C10orf143: variants seen among roughly 807,000 people sequenced by gnomAD.
The protein encoded by C10orf143 is chromosome 10 open reading frame 143, also known as uncharacterized protein C10orf143.
chr10:130,047,669 C>G (rs561473631), intron 3 of C10orf143, among the ~76,000 whole-genome samples: 3 of 152,296 alleles, frequency 2.0e-5, no homozygotes, highest in Admixed American at 2.0e-4. Flanking sequence ...TCACTCCTGT[C>G]CCTAAACCCA....
At chr10:130,062,682 C>T (rs530147259), downstream of C10orf143, among the ~76,000 whole-genome samples, 4 of 152,190 alleles carry the variant, frequency 2.6e-5, no homozygotes, top group African/African-American at 7.2e-5. Flanking sequence ...AGCTTGCAGA[C>T]GGCCTATTGT....
At chr10:130,062,841 G>A (rs1860871286), downstream of C10orf143, among the ~76,000 whole-genome samples, 1 of 152,138 alleles carries the variant, frequency 6.6e-6, no homozygotes, top group African/African-American at 2.4e-5. Flanking sequence ...TGTCACCTGG[G>A]TCATCAGGTT....
chr10:130,036,390 C>T (rs1481432515), intron 3 of C10orf143, among the ~76,000 whole-genome samples: 1 of 152,214 alleles, frequency 6.6e-6, no homozygotes, highest in Non-Finnish European at 1.5e-5. Context: ...AATCACCTGT[C>T]CAGGCAGCTG....
At chr10:130,041,998 A>T (rs1336464202) in intron 3 of C10orf143, among the ~76,000 whole-genome samples, 1 of 152,186 alleles carries the variant, frequency 6.6e-6, no homozygotes, top group Non-Finnish European at 1.5e-5. Context: ...ATGCACACTC[A>T]TGCACATTAT....
chr10:130,110,742 G>T lies in C10orf143; in HGVS notation c.31C>A (p.Gln11Lys), dbSNP rs777274878. Residue 11 changes from glutamine to lysine, a missense_variant, in exon 1 of 4, where the codon CAG (glutamine) becomes AAG (lysine). By Grantham distance (53) the Gln-to-Lys change is moderately conservative (BLOSUM62 1). Transcript: ENST00000637128. The part of the protein sequence containing the change: MDSLALGRWR[Q>K]RRAEDLQVPG... ...ACCTGCAGATCCTCCGCCCTCCGCT[G>T]TCGCCAGCGGCCGAGCGCTAAGCTG... 5 of 398,860 alleles carry T rather than the reference G, an allele frequency of 1.3e-5. No individual in the cohort carries two copies. Among genetic ancestry groups the T allele is most frequent in the East Asian group, 3.6e-5 (1 of 28,080 alleles). 24.7% of individuals were successfully genotyped at this position (398,860 alleles called of 1,614,324 possible).
intron 3 of C10orf143, chr10:130,064,968 G>A (rs1860907221): frequency 1.3e-5 from 2 of 152,320 alleles, no homozygotes; most frequent in South Asian, 4.1e-4. Flanking sequence ...AGGAATCTCT[G>A]TCACACTTGG....
At chr10:130,074,080 G>A (rs1861075251) in intron 3 of C10orf143, among the ~76,000 whole-genome samples, 2 of 152,200 alleles carry the variant, frequency 1.3e-5, no homozygotes, top group Non-Finnish European at 1.5e-5. Context: ...CTCATAGGGT[G>A]TTCGAGCCTG....
chr10:130,070,296 A>G (rs1861009292), intron 3 of C10orf143, among the ~76,000 whole-genome samples: 1 of 152,010 alleles, frequency 6.6e-6, no homozygotes, highest in African/African-American at 2.4e-5. Context: ...GGGTGGGGAG[A>G]GGAACCCCAC....
At chr10:130,110,262 C>T in intron 1 of C10orf143, among the ~76,000 whole-genome samples, 1 of 152,228 alleles carries the variant, frequency 6.6e-6, no homozygotes, top group South Asian at 2.1e-4. Context: ...GTGTTCGCTC[C>T]CCACGTACTC....
At chr10:130,101,627 G>A (rs1211192662) in intron 1 of C10orf143, among the ~76,000 whole-genome samples, 3 of 151,878 alleles carry the variant, frequency 2.0e-5, no homozygotes, top group Non-Finnish European at 4.4e-5. Flanking sequence ...AGCACTTTGG[G>A]AGGTGGAGGC....
rs142313581 is a variant in C10orf143, at chr10:130,088,323, G to A, written c.70-8422C>T. ...CACTTGAACCCGGGAGGCAGAGGTT[G>A]TAGTGAGCCAGGATCGCGCCATTGC... On this transcript the variant is annotated intron_variant, in intron 1 of 3. Transcript: ENST00000637128. Among the ~76,000 whole-genome samples the A allele has an allele frequency of 4.2e-3, 646 of 152,298 alleles. 4 individuals carry two copies. The highest frequency in any genetic ancestry group is 0.015 in the African/African-American group (619 of 41,566).
intron 3 of C10orf143, among the ~76,000 whole-genome samples, chr10:130,047,835 C>T (rs1860693988): frequency 8.2e-6 from 1 of 121,880 alleles, no homozygotes; most frequent in South Asian, 2.6e-4. Flanking sequence ...CATAAAGACC[C>T]ACTGGAAACA....
chr10:130,078,639 A>G (rs1440814727), intron 3 of C10orf143, among the ~76,000 whole-genome samples: 1 of 152,200 alleles, frequency 6.6e-6, no homozygotes, highest in Non-Finnish European at 1.5e-5. Flanking sequence ...AGGACTTCAG[A>G]TAATTAGAGG....
chr10:130,088,180 C>T lies in C10orf143; in HGVS notation c.70-8279G>A, dbSNP rs896307355. Among the ~76,000 whole-genome samples the T allele has an allele frequency of 4.6e-5, 7 of 152,186 alleles. No individual in the cohort carries two copies. The East Asian group carries it at 5.8e-4, about 13-fold the overall frequency. On this transcript the variant is annotated intron_variant, in intron 1 of 3. Coordinates refer to ENST00000637128, the MANE Select transcript of C10orf143 (RefSeq NM_001355042.2). ...GGTGGATCACCTGAGATCAGGAGTT[C>T]GAGACCAGCCTGGCCAACATGGTGA...
At chr10:130,106,859 C>A in intron 1 of C10orf143, 1 of 1,135,946 alleles carries the variant, frequency 8.8e-7, no homozygotes, top group Non-Finnish European at 1.3e-6. Context: ...TGAACATTTG[C>A]TAAAGATGAA....
intron 1 of C10orf143, among the ~76,000 whole-genome samples, chr10:130,083,396 C>G (rs527688268): frequency 9.2e-5 from 14 of 152,130 alleles, no homozygotes; most frequent in Non-Finnish European, 2.1e-4. Context: ...GCAATTACAA[C>G]TCTAGAATCT....
At chr10:130,072,835 A>G (rs1322180498) in intron 3 of C10orf143, among the ~76,000 whole-genome samples, 3 of 152,250 alleles carry the variant, frequency 2.0e-5, no homozygotes, top group Non-Finnish European at 4.4e-5. Flanking sequence ...ACCTTAATTT[A>G]AAAATACTTT....
At chr10:130,105,914 C>A in intron 1 of C10orf143, 2 of 368,544 alleles carry the variant, frequency 5.4e-6, no homozygotes, top group South Asian at 2.1e-5. Context: ...CAGCTCCCCC[C>A]CGCAGCCGGC....
chr10:130,089,247 C>A (rs1861342624), intron 1 of C10orf143, among the ~76,000 whole-genome samples: 1 of 152,164 alleles, frequency 6.6e-6, no homozygotes, highest in South Asian at 2.1e-4. Flanking sequence ...CAAGGTTTAC[C>A]AAGCACACTG....
Sources: gnomAD v4.1 joint callset for allele counts (sites outside exome capture counted in the v4.1 genomes callset) on GRCh38, gnomAD v4.1.1 for gene constraint, MANE v1.5 for transcripts, NCBI Gene and HGNC (gene_info 2026-07-23, HGNC 2026-07-21) for gene names.